Variants in STK33 observed in about 807,000 individuals in gnomAD.
The protein encoded by STK33 is serine/threonine kinase 33, also known as serine/threonine-protein kinase 33.
Under a neutral mutation model 58.0 loss-of-function variants are expected in STK33, and 52 were observed. The ratio of observed to expected loss-of-function variants is 0.90; its 90% confidence interval spans 0.72 to 1.13. The LOEUF is 1.13. STK33 is among the 50% of genes most tolerant of loss of function. The pLI is 0.00. For missense variants in STK33, 630 were observed against 604.2 expected (o/e 1.04, Z -0.45); for synonymous variants, 215 against 200.1 (o/e 1.07, Z -0.63).
At chr11:8,453,030 A>G in intron 10 of STK33, 124 bp from the exon 11 acceptor site, 2 of 805,130 alleles carry the variant, frequency 2.5e-6, no homozygotes, top group Non-Finnish European at 4.1e-6. Context: ...GAGGACTTTA[A>G]TTGAATCATT....
At chr11:8,424,323 AT>A (rs112642963) in intron 14 of STK33, among the ~76,000 whole-genome samples, 55,363 of 146,706 alleles carry the variant, frequency 0.38, 10,899 homozygotes, top group South Asian at 0.5. Flanking sequence ...TGAACTCATC[AT>A]TTTTTATGGC....
chr11:8,420,412 G>A (rs149857603), intron 14 of STK33, among the ~76,000 whole-genome samples: 4 of 152,234 alleles, frequency 2.6e-5, no homozygotes, highest in African/African-American at 9.6e-5. Flanking sequence ...GGAGAAAACG[G>A]TTTGAGAAAT....
chr11:8,535,774 G>C (rs902970920), intron 1 of STK33, among the ~76,000 whole-genome samples: 1 of 152,088 alleles, frequency 6.6e-6, no homozygotes, highest in African/African-American at 2.4e-5. Context: ...ATATCAAAGG[G>C]ATACTTGCAC....
chr11:8,435,682 T>C, intron 13 of STK33, 103 bp from the exon 14 acceptor site: 1 of 567,934 alleles, frequency 1.8e-6, no homozygotes, highest in African/African-American at 1.9e-5. Flanking sequence ...GAAAGAAAGA[T>C]GCCAAGTGTA....
chr11:8,348,281 G>A, the STK33 span, among the ~76,000 whole-genome samples: 5 of 152,186 alleles, frequency 3.3e-5, no homozygotes. Context: ...AATTTATAAA[G>A]GAAAGAGGCT....
chr11:8,335,158 G>A, the STK33 span, among the ~76,000 whole-genome samples: 1 of 152,216 alleles, frequency 6.6e-6, no homozygotes, highest in South Asian at 2.1e-4. Context: ...AGAGAGGCCA[G>A]AAGTGCCTCG....
At chr11:8,438,826 G>A (rs1185648279) in intron 12 of STK33, among the ~76,000 whole-genome samples, 4 of 152,122 alleles carry the variant, frequency 2.6e-5, no homozygotes, top group Non-Finnish European at 4.4e-5. Context: ...TTGAATTAAA[G>A]ACTAAGGCTC....
intron 1 of STK33, among the ~76,000 whole-genome samples, chr11:8,512,736 C>T (rs1952438400): frequency 6.6e-6 from 1 of 152,114 alleles, no homozygotes. Flanking sequence ...TTTCTTCTTG[C>T]ACAAGCTTGT....
chr11:8,393,191 T>C (rs938602088), intron 15 of STK33, among the ~76,000 whole-genome samples: 1 of 152,234 alleles, frequency 6.6e-6, no homozygotes, highest in African/African-American at 2.4e-5. Context: ...CTAATCCCAG[T>C]CACACTACTC....
chr11:8,355,059 G>A, the STK33 span, among the ~76,000 whole-genome samples: 290 of 152,372 alleles, frequency 1.9e-3, 2 homozygotes, highest in African/African-American at 6.6e-3. Flanking sequence ...AGCAGCGGCC[G>A]CTGCCTGCTA....
intron 14 of STK33, among the ~76,000 whole-genome samples, chr11:8,418,778 T>C (rs1234349019): frequency 6.6e-6 from 1 of 152,212 alleles, no homozygotes; most frequent in Non-Finnish European, 1.5e-5. Flanking sequence ...TTTTTAGTAA[T>C]AGCCATTCTG....
the STK33 span, among the ~76,000 whole-genome samples, chr11:8,342,988 C>T: frequency 1.3e-5 from 2 of 152,210 alleles, no homozygotes; most frequent in Admixed American, 6.5e-5. Flanking sequence ...AGGCTCATCC[C>T]CAGGCAGGCA....
At chr11:8,454,642 CT>C in intron 10 of STK33, 101 bp downstream of exon 10, 4 of 1,342,206 alleles carry the variant, frequency 3.0e-6, no homozygotes, top group Non-Finnish European at 2.9e-6. Context: ...TATTTTCTGG[CT>C]GCTCAAAAGC....
At chr11:8,344,196 A>ACACACACACAC in the STK33 span, among the ~76,000 whole-genome samples, 2 of 29,710 alleles carry the variant, frequency 6.7e-5, no homozygotes, top group East Asian at 9.7e-4. Flanking sequence ...TAAAACAAAC[A>ACACACACACAC]AAACACACAC....
At chr11:8,340,746 C>T in the STK33 span, among the ~76,000 whole-genome samples, 1 of 152,198 alleles carries the variant, frequency 6.6e-6, no homozygotes, top group East Asian at 1.9e-4. Flanking sequence ...ACAGAGAGCA[C>T]TGGAGAGCAC....
At chr11:8,573,378 C>T (rs772432553) in intron 1 of STK33, among the ~76,000 whole-genome samples, 13 of 152,158 alleles carry the variant, frequency 8.5e-5, no homozygotes, top group Admixed American at 2.0e-4. Flanking sequence ...GAATTAATAT[C>T]GCAATGAAGT....
At chr11:8,429,483 C>T (rs1343347080) in intron 14 of STK33, among the ~76,000 whole-genome samples, 2 of 152,098 alleles carry the variant, frequency 1.3e-5, no homozygotes, top group Admixed American at 6.5e-5. Flanking sequence ...ACTCTCTTAC[C>T]TCACACTTCT....
chr11:8,562,561 C>G (rs1957185007), intron 1 of STK33, among the ~76,000 whole-genome samples: 1 of 152,092 alleles, frequency 6.6e-6, no homozygotes, highest in African/African-American at 2.4e-5. Context: ...TTTCATTATA[C>G]TCTTAGATTC....
intron 1 of STK33, among the ~76,000 whole-genome samples, chr11:8,531,569 G>T (rs1954553491): frequency 6.6e-6 from 1 of 152,210 alleles, no homozygotes; most frequent in Non-Finnish European, 1.5e-5. Flanking sequence ...GCTGAGCTGG[G>T]AGCTTAGCTT....
Sources: allele counts gnomAD v4.1 joint callset (sites outside exome capture counted in the v4.1 genomes callset), GRCh38; gene constraint gnomAD v4.1.1; transcripts MANE v1.5; gene names NCBI Gene and HGNC (gene_info 2026-07-23, HGNC 2026-07-21).